ANKRD6: variants seen among roughly 807,000 people sequenced by gnomAD.
ANKRD6 encodes the protein ankyrin repeat domain-containing protein 6.
In ANKRD6, 56 loss-of-function variants were observed where a neutral mutation model predicts 82.3. The observed-to-expected ratio is 0.68, with a 90% CI of 0.55 to 0.85. ANKRD6 has a LOEUF of 0.85. Among genes scored for constraint, ANKRD6 ranks in the 40% least tolerant of loss-of-function variants. ANKRD6 has a pLI of 0.00. For missense variants in ANKRD6, 852 were observed against 907.6 expected, an observed-to-expected ratio of 0.94 and a Z score of 0.79; for synonymous variants, 347 against 352.1, an observed-to-expected ratio of 0.99 and a Z score of 0.16.
In ANKRD6 at chr6:89,495,468, A is replaced by G. The variant is rs542532100; in HGVS notation, c.-144+62093A>G. Among the ~76,000 whole-genome samples, 374 of 152,182 alleles carry G rather than the reference A, an allele frequency of 2.5e-3. 1 individual carries two copies. The highest frequency in any genetic ancestry group is 8.6e-3 in the African/African-American group (357 of 41,532). On this transcript the variant is annotated intron_variant, in intron 1 of 15. Coordinates refer to ENST00000339746, the MANE Select transcript of ANKRD6 (RefSeq NM_001242809.2). Reference sequence around the variant, plus strand: ...GGCTGAGCCCAGTACAGCTCTTTTGATGGGCTCACCTCTTTGCACGTAGAT... The same window carrying G: ...GGCTGAGCCCAGTACAGCTCTTTTGGTGGGCTCACCTCTTTGCACGTAGAT...
chr6:89,547,637 C>A (rs1476408132), intron 1 of ANKRD6, among the ~76,000 whole-genome samples: 3 of 152,104 alleles, frequency 2.0e-5, no homozygotes, highest in Non-Finnish European at 4.4e-5. Context: ...GTGGATATTC[C>A]TTGATGGCAG....
chr6:89,525,935 CTG>C (rs1782448415), intron 1 of ANKRD6, among the ~76,000 whole-genome samples: 2 of 152,168 alleles, frequency 1.3e-5, no homozygotes, highest in African/African-American at 4.8e-5. Context: ...TTGTAGTGGT[CTG>C]GGTTGTAAAT....
intron 1 of ANKRD6, among the ~76,000 whole-genome samples, chr6:89,442,688 T>C (rs1416817498): frequency 6.6e-6 from 1 of 150,960 alleles, no homozygotes; most frequent in Admixed American, 6.6e-5. Context: ...AGGTGTGTAT[T>C]GGTTTGGTTC....
At chr6:89,561,766 AT>A (rs139014957) in intron 1 of ANKRD6, among the ~76,000 whole-genome samples, 1,788 of 151,476 alleles carry the variant, frequency 0.012, 36 homozygotes, top group African/African-American at 0.041. Flanking sequence ...ATGGTTGTAT[AT>A]TTTTTTTTAA....
intron 1 of ANKRD6, chr6:89,565,311 G>A (rs988026001): frequency 6.6e-6 from 1 of 152,196 alleles, no homozygotes; most frequent in Non-Finnish European, 1.5e-5. Flanking sequence ...GTGAGCAGGA[G>A]CAGGATGGGT....
intron 1 of ANKRD6, among the ~76,000 whole-genome samples, chr6:89,480,077 C>T (rs1776606806): frequency 6.6e-6 from 1 of 152,104 alleles, no homozygotes; most frequent in African/African-American, 2.4e-5. Context: ...ATAAAGGGCA[C>T]AATACTGTCA....
intron 1 of ANKRD6, among the ~76,000 whole-genome samples, chr6:89,458,736 C>T (rs1773767478): frequency 6.6e-6 from 1 of 152,178 alleles, no homozygotes; most frequent in South Asian, 2.1e-4. Context: ...GTCACTGACT[C>T]ACATGTTAAT....
intron 1 of ANKRD6, among the ~76,000 whole-genome samples, chr6:89,471,152 A>T (rs1213593137): frequency 1.3e-5 from 2 of 151,952 alleles, no homozygotes; most frequent in Non-Finnish European, 2.9e-5. Context: ...GGAGTTCGAG[A>T]CCACCCTGGC....
rs576745353 is a variant in ANKRD6 at position 89,545,626 on chromosome 6, G to A, written c.-143-21208G>A. 6.6e-5 allele frequency among the ~76,000 whole-genome samples: 10 copies of A among 152,252 alleles called. No individual in the cohort carries two copies. The South Asian group carries it at 1.9e-3, about 28-fold the overall frequency. Reference sequence around the variant, plus strand: ...GGTACAGTCACAGGAATCTCAGGAGGCCAAGTGTTGCCCCTGAAGTTTTTC... The same window carrying A: ...GGTACAGTCACAGGAATCTCAGGAGACCAAGTGTTGCCCCTGAAGTTTTTC... On this transcript the variant is annotated intron_variant, in intron 1 of 15. Coordinates refer to ENST00000339746, the MANE Select transcript of ANKRD6 (RefSeq NM_001242809.2).
At chr6:89,625,099 A>T (rs910061443) in intron 13 of ANKRD6, among the ~76,000 whole-genome samples, 5 of 152,090 alleles carry the variant, frequency 3.3e-5, no homozygotes, top group African/African-American at 1.2e-4. Flanking sequence ...CCTGGCCAAC[A>T]TGGTGAAACC....
chr6:89,623,304 C>T (rs886183457), intron 10 of ANKRD6, 106 bp from the exon 11 acceptor site: 6 of 1,402,270 alleles, frequency 4.3e-6, no homozygotes, highest in East Asian at 2.5e-5. Flanking sequence ...CAAAGGTTCT[C>T]GTGGGTCCCT....
At chr6:89,565,633 C>T (rs1170802291) in intron 1 of ANKRD6, among the ~76,000 whole-genome samples, 1 of 152,196 alleles carries the variant, frequency 6.6e-6, no homozygotes, top group Non-Finnish European at 1.5e-5. Flanking sequence ...TGGTCCAGGG[C>T]TTTCCAGCCG....
intron 1 of ANKRD6, among the ~76,000 whole-genome samples, chr6:89,442,044 G>C (rs1386885119): frequency 6.6e-6 from 1 of 152,004 alleles, no homozygotes; most frequent in African/African-American, 2.4e-5. Context: ...TGTCGCCCAG[G>C]CTGGAGCAGT....
intron 2 of ANKRD6, among the ~76,000 whole-genome samples, chr6:89,578,246 C>G (rs1490594893): frequency 6.6e-6 from 1 of 151,090 alleles, no homozygotes; most frequent in Non-Finnish European, 1.5e-5. Context: ...CATTGGCTGC[C>G]TAGCAAGGAA....
chr6:89,603,080 A>G lies in ANKRD6; in HGVS notation c.271A>G (p.Ile91Val), dbSNP rs1322244877. 7 of 1,608,988 alleles carry G rather than the reference A, an allele frequency of 4.4e-6. No individual in the cohort carries two copies. The highest frequency in any genetic ancestry group is 2.5e-6 in the Non-Finnish European group (3 of 1,178,076). ...RATVVGNTEI[I>V]AALIHEGCAL... ...CACAGTGGTGGGGAACACGGAGATC[A>G]TCGCGGCGCTCATCCACGAAGGGTG... is the stretch of plus-strand genomic sequence containing the variant. Residue 91 changes from isoleucine to valine, a missense_variant, in exon 4 of 16, where the codon ATC (isoleucine) becomes GTC (valine). Transcript: ENST00000339746.
At position 89,595,958 on chromosome 6, in the gene ANKRD6, C is replaced by G. The variant is rs1311304784; in HGVS notation, c.163C>G (p.Leu55Val). 1 of 1,611,124 alleles carries G rather than the reference C, an allele frequency of 6.2e-7. No individual in the cohort carries two copies. The highest frequency in any genetic ancestry group is 8.5e-7 in the Non-Finnish European group (1 of 1,178,784). Reference sequence around the variant, plus strand: ...GCATCTTGCTGCCAATAAGGGCCATCTTCCTGTGGTCCAGATCTTGCTGAA... The same window carrying G: ...GCATCTTGCTGCCAATAAGGGCCATGTTCCTGTGGTCCAGATCTTGCTGAA... ...PLHLAANKGH[L>V]PVVQILLKAG... Residue 55 changes from leucine (L) to valine (V), a missense_variant, in exon 3 of 16, where the codon CTT becomes GTT. Leu to Val is a conservative substitution (Grantham distance 32). Transcript: ENST00000339746.
At chr6:89,544,296 G>A (rs1287131347) in intron 1 of ANKRD6, among the ~76,000 whole-genome samples, 1 of 152,236 alleles carries the variant, frequency 6.6e-6, no homozygotes, top group African/African-American at 2.4e-5. Flanking sequence ...AGCTTTAGGT[G>A]TCTGCCGGAA....
chr6:89,597,313 T>C (rs1450958831), intron 3 of ANKRD6, among the ~76,000 whole-genome samples: 1 of 152,218 alleles, frequency 6.6e-6, no homozygotes, highest in Admixed American at 6.5e-5. Context: ...CTCAACTATA[T>C]CATATCCTTA....
chr6:89,436,402 T>C (rs553831954), intron 1 of ANKRD6, among the ~76,000 whole-genome samples: 1 of 152,232 alleles, frequency 6.6e-6, no homozygotes, highest in Non-Finnish European at 1.5e-5. Flanking sequence ...CTCCAGTTAA[T>C]AGGTTCAGCA....
Sources: gnomAD v4.1 joint callset for allele counts (sites outside exome capture counted in the v4.1 genomes callset) on GRCh38, gnomAD v4.1.1 for gene constraint, MANE v1.5 for transcripts, NCBI Gene and HGNC (gene_info 2026-07-23, HGNC 2026-07-21) for gene names.